The following SETX variants were observed in gnomAD, a reference collection of about 807,000 sequenced individuals.
The protein encoded by SETX is helicase senataxin.
Under a neutral mutation model 227.2 loss-of-function variants are expected in SETX, and 90 were observed. The observed-to-expected ratio is 0.40, with a 90% CI of 0.33 to 0.47. SETX has a LOEUF of 0.47. Among genes scored for constraint, SETX ranks in the 20% least tolerant of loss-of-function variants. The pLI is 0.91. For missense variants in SETX, 3,052 were observed against 3,181.5 expected (o/e 0.96, Z 0.98); for synonymous variants, 1,210 against 1,113.2 (o/e 1.09, Z -1.73).
At chr9:132,308,526 A>G (rs1845462063) in intron 11 of SETX, among the ~76,000 whole-genome samples, 1 of 152,254 alleles carries the variant, frequency 6.6e-6, no homozygotes. Flanking sequence ...GCTGAAAAAA[A>G]GTGTTATGAG....
At chr9:132,317,615 T>C (rs1341038964) in intron 10 of SETX, among the ~76,000 whole-genome samples, 1 of 151,888 alleles carries the variant, frequency 6.6e-6, no homozygotes, top group Non-Finnish European at 1.5e-5. Context: ...TTCATGTTTG[T>C]TTGCCGTATC....
chr9:132,271,450 A>G (rs1457879865), intron 24 of SETX, among the ~76,000 whole-genome samples: 1 of 152,222 alleles, frequency 6.6e-6, no homozygotes, highest in African/African-American at 2.4e-5. Flanking sequence ...CTGTAGTCCC[A>G]GCTACTCGGG....
intron 11 of SETX, 139 bp downstream of exon 11, chr9:132,311,618 C>A: frequency 1.5e-6 from 1 of 671,116 alleles, no homozygotes; most frequent in Non-Finnish European, 2.6e-6. Context: ...CTCATTAAGA[C>A]TTTAAGCATA....
intron 19 of SETX, 145 bp from the exon 20 acceptor site, chr9:132,281,719 C>CA (rs952745939): frequency 6.3e-5 from 44 of 703,662 alleles, no homozygotes; most frequent in Middle Eastern, 3.8e-4. Flanking sequence ...TCCCTGAAAA[C>CA]AAAAAAACAA....
chr9:132,345,029 G>T (rs1848207724), intron 4 of SETX, among the ~76,000 whole-genome samples: 1 of 152,134 alleles, frequency 6.6e-6, no homozygotes, highest in African/African-American at 2.4e-5. Flanking sequence ...CTACAGAATA[G>T]CATTTCCCAA....
At chr9:132,322,866 AT>A (rs1396846381) in intron 10 of SETX, among the ~76,000 whole-genome samples, 1 of 152,202 alleles carries the variant, frequency 6.6e-6, no homozygotes, top group African/African-American at 2.4e-5. Flanking sequence ...CTAATAAAAA[AT>A]ACCACATCCA....
intron 25 of SETX, 157 bp downstream of exon 25, chr9:132,269,458 A>G (rs758928125): frequency 1.3e-6 from 2 of 1,588,388 alleles, no homozygotes; most frequent in Non-Finnish European, 1.7e-6. Context: ...CGAATGGTTC[A>G]CGTGTACACA....
chr9:132,292,348 G>A (rs1844371874), intron 15 of SETX, among the ~76,000 whole-genome samples: 1 of 146,492 alleles, frequency 6.8e-6, no homozygotes, highest in African/African-American at 2.5e-5. Flanking sequence ...AAGATCACTT[G>A]AGCCCAGGAG....
At chr9:132,275,221 CAAGAA>C (rs1440450904) in intron 23 of SETX, 30 bp downstream of exon 23, 1 of 1,603,212 alleles carries the variant, frequency 6.2e-7, no homozygotes, top group Non-Finnish European at 8.5e-7. Context: ...TCTAATTCAA[CAAGAA>C]AATTGGAAAT....
At chr9:132,282,296 CTT>C (rs1843581004) in intron 19 of SETX, among the ~76,000 whole-genome samples, 1 of 145,630 alleles carries the variant, frequency 6.9e-6, no homozygotes, top group South Asian at 2.2e-4. Context: ...TATTTTTTAA[CTT>C]ATTTTTTTTT....
intron 10 of SETX, among the ~76,000 whole-genome samples, chr9:132,321,392 C>G (rs1846318659): frequency 6.6e-6 from 1 of 152,128 alleles, no homozygotes; most frequent in African/African-American, 2.4e-5. Context: ...CGCGGTAGCT[C>G]ACACCTGTAA....
At chr9:132,293,849 C>T (rs1276298901) in intron 15 of SETX, among the ~76,000 whole-genome samples, 3 of 152,062 alleles carry the variant, frequency 2.0e-5, no homozygotes, top group Non-Finnish European at 1.5e-5. Flanking sequence ...GGTGAAACCC[C>T]GTCTCTACTA....
At chr9:132,279,363 T>C (rs1369127887) in intron 20 of SETX, among the ~76,000 whole-genome samples, 1 of 152,008 alleles carries the variant, frequency 6.6e-6, no homozygotes, top group African/African-American at 2.4e-5. Context: ...TGTATACATA[T>C]GTAACAAACC....
intron 10 of SETX, among the ~76,000 whole-genome samples, chr9:132,314,902 TTGTG>T (rs1564523500): frequency 7.0e-6 from 1 of 143,300 alleles, no homozygotes; most frequent in African/African-American, 2.6e-5. Context: ...TATTATTTTA[TTGTG>T]TTTTTTTTTT....
In SETX at chr9:132,327,025, C is replaced by T. The variant is rs1459437420; in HGVS notation, c.4573G>A (p.Gly1525Arg). The T allele has an allele frequency of 6.2e-7, 1 of 1,614,172 alleles. No individual in the cohort carries two copies. The highest frequency in any genetic ancestry group is 1.7e-5 in the Admixed American group (1 of 60,024). Residue 1525 changes from glycine (G) to arginine (R), a missense_variant, in exon 10 of 26, where the codon GGA becomes AGA. By Grantham distance (125) the Gly-to-Arg change is moderately radical. This residue lies in a region of SETX where 1,483 missense variants were observed against 1,312.0 expected (regional missense o/e 1.13). Coordinates refer to ENST00000224140, the MANE Select transcript of SETX (RefSeq NM_015046.7). ...TCTTCAACCTCAACTGTATCTTTTC[C>T]ATGAATTAGTTCAATGAGTTTATAA... is the stretch of plus-strand genomic sequence containing the variant. ...DNYKLIELIH[G>R]KDTVEVEEDS...
At chr9:132,290,715 T>C (rs1295114306) in intron 15 of SETX, among the ~76,000 whole-genome samples, 1 of 151,600 alleles carries the variant, frequency 6.6e-6, no homozygotes, top group Non-Finnish European at 1.5e-5. Flanking sequence ...GGCAACATGA[T>C]GAAACTCCAC....
intron 24 of SETX, among the ~76,000 whole-genome samples, chr9:132,270,261 C>T (rs1412747817): frequency 6.7e-6 from 1 of 149,900 alleles, no homozygotes; most frequent in African/African-American, 2.5e-5. Flanking sequence ...CACAGGTGGA[C>T]TCTAGAATGA....
Position 132,342,679 on chromosome 9 carries a change from C to T in SETX, c.498+11G>A. The T allele has an allele frequency of 6.4e-7, 1 of 1,560,904 alleles. No homozygotes were observed. Reference sequence around the variant, plus strand: ...CAATATACCCTTCTATCGCCCAACACTCACACTCACCATTTCATTGGGATG... The same window carrying T: ...CAATATACCCTTCTATCGCCCAACATTCACACTCACCATTTCATTGGGATG... On this transcript the variant is annotated intron_variant, in intron 5 of 25. Transcript: ENST00000224140.
chr9:132,305,540 T>C (rs1489135973), intron 11 of SETX, among the ~76,000 whole-genome samples: 1 of 151,900 alleles, frequency 6.6e-6, no homozygotes, highest in Non-Finnish European at 1.5e-5. Flanking sequence ...TCACCAGCAA[T>C]GAGATTTATC....
Sources: allele counts gnomAD v4.1 joint callset (sites outside exome capture counted in the v4.1 genomes callset), GRCh38; gene constraint gnomAD v4.1.1; regional missense constraint gnomAD v4.1.1; transcripts MANE v1.5; gene names NCBI Gene and HGNC (gene_info 2026-07-23, HGNC 2026-07-21).